THSD7B: variants seen among roughly 807,000 people sequenced by gnomAD.
THSD7B encodes thrombospondin type 1 domain containing 7B.
In THSD7B, 138 loss-of-function variants were observed where a neutral mutation model predicts 213.6. The ratio of observed to expected loss-of-function variants is 0.65; its 90% CI spans 0.56 to 0.74. THSD7B has a LOEUF of 0.74. THSD7B is among the 30% of genes least tolerant of loss of function. The pLI is 0.00. For missense variants in THSD7B, 1,931 were observed against 1,991.5 expected, an observed-to-expected ratio of 0.97 and a Z score of 0.58; for synonymous variants, 742 against 687.0, an observed-to-expected ratio of 1.08 and a Z score of -1.25.
At chr2:137,519,918 C>G (rs1051818222) in intron 15 of THSD7B, among the ~76,000 whole-genome samples, 1 of 152,128 alleles carries the variant, frequency 6.6e-6, no homozygotes, top group Admixed American at 6.5e-5. Context: ...TGAATCGCAG[C>G]AAGAGAATAT....
intron 4 of THSD7B, among the ~76,000 whole-genome samples, chr2:137,103,701 TAGAA>T (rs1402918806): frequency 2.1e-5 from 3 of 142,520 alleles, no homozygotes; most frequent in Admixed American, 2.1e-4. Context: ...ACCAAGCAAA[TAGAA>T]AGAAAAAAAA....
At chr2:136,807,511 T>TTTTTTTTTTG (rs1250535103) in intron 1 of THSD7B, among the ~76,000 whole-genome samples, 4 of 136,172 alleles carry the variant, frequency 2.9e-5, no homozygotes, top group Non-Finnish European at 6.3e-5. Context: ...AATGTTTCGT[T>TTTTTTTTTTG]TTTTTTTTTT....
intron 15 of THSD7B, among the ~76,000 whole-genome samples, chr2:137,498,992 A>G (rs992029410): frequency 6.6e-6 from 1 of 152,142 alleles, no homozygotes; most frequent in Non-Finnish European, 1.5e-5. Flanking sequence ...TCCCTCAGGA[A>G]GTGGGCAAGG....
chr2:136,999,961 GATTCCA>G (rs1412345179), intron 2 of THSD7B, among the ~76,000 whole-genome samples: 1 of 152,122 alleles, frequency 6.6e-6, no homozygotes, highest in African/African-American at 2.4e-5. Context: ...TTTTAGGGTA[GATTCCA>G]ATTCCAATTG....
intron 15 of THSD7B, among the ~76,000 whole-genome samples, chr2:137,498,882 G>A (rs1236518296): frequency 6.6e-6 from 1 of 152,162 alleles, no homozygotes; most frequent in Non-Finnish European, 1.5e-5. Context: ...ACTTTTTTCA[G>A]GAATCTCATG....
chr2:136,880,765 G>A (rs1540424), intron 1 of THSD7B, among the ~76,000 whole-genome samples: 130,834 of 152,158 alleles, frequency 0.86, 56,628 homozygotes, highest in Non-Finnish European at 0.91. Flanking sequence ...TCATTCACCA[G>A]TACTTGCCTG....
chr2:137,401,014 G>A (rs1044724137), intron 12 of THSD7B, among the ~76,000 whole-genome samples: 3 of 152,220 alleles, frequency 2.0e-5, no homozygotes, highest in African/African-American at 7.2e-5. Flanking sequence ...AGTTAGCACA[G>A]TGAGGAAGAA....
At chr2:137,292,108 C>T (rs188217625) in intron 12 of THSD7B, among the ~76,000 whole-genome samples, 1 of 152,136 alleles carries the variant, frequency 6.6e-6, no homozygotes, top group Non-Finnish European at 1.5e-5. Context: ...GTTGGCTTCA[C>T]TTCTCATGAT....
intron 17 of THSD7B, among the ~76,000 whole-genome samples, chr2:137,593,744 G>GT (rs1201444361): frequency 8.6e-5 from 13 of 151,832 alleles, no homozygotes; most frequent in Admixed American, 3.9e-4. Flanking sequence ...TTATCACAAT[G>GT]TTTTTTTGTG....
chr2:137,087,977 C>A (rs184927700), intron 3 of THSD7B, among the ~76,000 whole-genome samples: 1 of 152,074 alleles, frequency 6.6e-6, no homozygotes. Context: ...TGGTGGCTCA[C>A]GCTTGTAATC....
chr2:137,175,092 G>A (rs1680333945), intron 7 of THSD7B, among the ~76,000 whole-genome samples: 1 of 152,180 alleles, frequency 6.6e-6, no homozygotes. Flanking sequence ...CCAGGCCAGT[G>A]GACAGTGTTC....
rs1217832944 is a variant in THSD7B, at chr2:137,604,092, C to CT, written c.3424-12082dup. ...CCTGCCTGGGTGACAGAGTGAGACT[C>CT]TATCTCGAAAAAAAATAATAATAAT... On this transcript the variant is annotated intron_variant, in intron 17 of 27. Transcript: ENST00000409968. Among the ~76,000 whole-genome samples, 4 of 151,674 alleles carry CT rather than the reference C, an allele frequency of 2.6e-5. No homozygotes were observed. In the East Asian group the frequency reaches 7.8e-4, roughly 30 times the overall value.
intron 3 of THSD7B, among the ~76,000 whole-genome samples, chr2:137,078,969 T>C (rs1253228421): frequency 6.6e-6 from 1 of 152,178 alleles, no homozygotes; most frequent in Admixed American, 6.5e-5. Context: ...GTGTTGTTTG[T>C]GATATTTCTA....
At chr2:137,071,965 A>T (rs911975883) in intron 3 of THSD7B, among the ~76,000 whole-genome samples, 2 of 152,120 alleles carry the variant, frequency 1.3e-5, no homozygotes, top group South Asian at 4.1e-4. Context: ...CCATTGGTCT[A>T]TATCTCTGTT....
At chr2:137,508,302 A>G (rs913383555) in intron 15 of THSD7B, among the ~76,000 whole-genome samples, 5 of 151,088 alleles carry the variant, frequency 3.3e-5, no homozygotes, top group Non-Finnish European at 7.4e-5. Context: ...GTGCAGTGGC[A>G]CACTCAGGCT....
intron 10 of THSD7B, among the ~76,000 whole-genome samples, chr2:137,264,247 CTT>C (rs201121736): frequency 0.028 from 3,893 of 140,060 alleles, 83 homozygotes; most frequent in Middle Eastern, 0.089. Context: ...TAGAAACAGC[CTT>C]TTTTTTTTTT....
chr2:137,182,656 A>T (rs1279247259), intron 7 of THSD7B, among the ~76,000 whole-genome samples: 1 of 152,188 alleles, frequency 6.6e-6, no homozygotes, highest in African/African-American at 2.4e-5. Flanking sequence ...GTAATAATAT[A>T]GCTGCCAGCA....
rs72979690 is a variant in THSD7B at position 137,460,194 on chromosome 2, G to A, written c.3138+9171G>A. On this transcript the variant is annotated intron_variant, in intron 15 of 27. Transcript: ENST00000409968. ...ACCCACTGGTACATTAAGTGGTTAA[G>A]ACTCAATCAGTTCTCTTTCCAAATT... is the stretch of plus-strand genomic sequence containing the variant. Among the ~76,000 whole-genome samples, 396 of 152,234 alleles carry A rather than the reference G, an allele frequency of 2.6e-3. 5 individuals are homozygous for A. The highest frequency in any genetic ancestry group is 9.3e-3 in the African/African-American group (385 of 41,538).
chr2:137,578,393 A>G (rs1226198759), intron 17 of THSD7B, among the ~76,000 whole-genome samples: 1 of 152,228 alleles, frequency 6.6e-6, no homozygotes, highest in Non-Finnish European at 1.5e-5. Context: ...AATCTGCAAG[A>G]TGTACATATT....
Sources: gnomAD v4.1 joint callset for allele counts (sites outside exome capture counted in the v4.1 genomes callset) on GRCh38, gnomAD v4.1.1 for gene constraint, MANE v1.5 for transcripts, NCBI Gene and HGNC (gene_info 2026-07-23, HGNC 2026-07-21) for gene names.